Variants in PPP1R12A observed in about 807,000 individuals in gnomAD.
PPP1R12A encodes the protein protein phosphatase 1 regulatory subunit 12A.
In PPP1R12A, 19 loss-of-function variants were observed where a neutral mutation model predicts 139.6. That is an observed-to-expected ratio of 0.14 (90% CI 0.09 to 0.20). PPP1R12A has a LOEUF of 0.20. Among genes scored for constraint, PPP1R12A ranks in the 10% least tolerant of loss-of-function variants. PPP1R12A has a pLI of 1.00. For synonymous variants in PPP1R12A, 427 were observed against 420.6 expected (o/e 1.02, Z -0.19); for missense variants, 925 against 1,211.5 (o/e 0.76, Z 3.51).
intron 2 of PPP1R12A, 27 bp downstream of exon 2, chr12:79,872,781 T>A (rs773925296): frequency 6.2e-7 from 1 of 1,609,868 alleles, no homozygotes; most frequent in African/African-American, 1.3e-5. Context: ...AGTATTAGAA[T>A]AAAATGAAAA....
chr12:79,807,499 C>G (rs1873977114), intron 11 of PPP1R12A, among the ~76,000 whole-genome samples, 169 bp from the exon 12 acceptor site: 1 of 146,814 alleles, frequency 6.8e-6, no homozygotes, highest in Non-Finnish European at 1.5e-5. Context: ...GATTATATAC[C>G]CTAAGGTATA....
chr12:79,865,681 A>G (rs1881881805), intron 2 of PPP1R12A, among the ~76,000 whole-genome samples: 2 of 152,196 alleles, frequency 1.3e-5, no homozygotes, highest in Non-Finnish European at 2.9e-5. Context: ...AAAACAGACA[A>G]ACAGAGAGCC....
chr12:79,821,884 T>G (rs987163743), intron 6 of PPP1R12A, among the ~76,000 whole-genome samples: 3 of 152,162 alleles, frequency 2.0e-5, no homozygotes. Flanking sequence ...ACGTTATTCT[T>G]GAGGACATAT....
chr12:79,856,652 T>C (rs536029052), intron 2 of PPP1R12A, among the ~76,000 whole-genome samples: 4 of 152,372 alleles, frequency 2.6e-5, no homozygotes, highest in African/African-American at 7.2e-5. Flanking sequence ...AGTTCTTTTT[T>C]TCTTTCAGTC....
In PPP1R12A at chr12:79,803,072, G is replaced by T. The variant is rs1299052250; in HGVS notation, c.2000+2520C>A. Among the ~76,000 whole-genome samples, 4 of 152,290 alleles carry T rather than the reference G, an allele frequency of 2.6e-5. No homozygotes were observed. In the East Asian group the frequency reaches 7.7e-4, roughly 29 times the overall value. Reference sequence around the variant, plus strand: ...ATCATACCTGGTTTCACATATGAAGGTTAGGGGGATAAAAGTTACTAACTG... The same window carrying T: ...ATCATACCTGGTTTCACATATGAAGTTTAGGGGGATAAAAGTTACTAACTG... On this transcript the variant is annotated intron_variant, in intron 14 of 24. Coordinates refer to ENST00000450142, the MANE Select transcript of PPP1R12A (RefSeq NM_002480.3).
upstream of PPP1R12A, chr12:79,935,395 TG>T (rs1888592636): frequency 4.0e-6 from 4 of 992,918 alleles, no homozygotes; most frequent in South Asian, 4.5e-5. Flanking sequence ...CCTGTCGGGC[TG>T]GGGGCTCCCG....
intron 1 of PPP1R12A, among the ~76,000 whole-genome samples, chr12:79,927,941 A>G (rs1012702097): frequency 6.6e-6 from 1 of 152,202 alleles, no homozygotes; most frequent in Non-Finnish European, 1.5e-5. Context: ...GGAGTAAAAG[A>G]TGGCAATTTT....
At chr12:79,922,851 A>C (rs998556258) in intron 1 of PPP1R12A, among the ~76,000 whole-genome samples, 4 of 152,182 alleles carry the variant, frequency 2.6e-5, no homozygotes. Context: ...TAAAAGTAAA[A>C]AATTTTTTAA....
At chr12:79,777,209 C>T (rs1490092933) in intron 24 of PPP1R12A, 1 of 922,108 alleles carries the variant, frequency 1.1e-6, no homozygotes, top group African/African-American at 1.8e-5. Context: ...TAGTAAAGAA[C>T]TGTAAATAAT....
At chr12:79,863,539 C>T (rs1881593249) in intron 2 of PPP1R12A, among the ~76,000 whole-genome samples, 1 of 148,286 alleles carries the variant, frequency 6.7e-6, no homozygotes, top group African/African-American at 2.5e-5. Context: ...GATAAAGACT[C>T]AAGACCAATC....
chr12:79,779,290 T>C, intron 23 of PPP1R12A: 2 of 1,287,148 alleles, frequency 1.6e-6, no homozygotes, highest in Non-Finnish European at 1.0e-6. Flanking sequence ...GCAGCAGTAA[T>C]TGATGAGCTG....
chr12:79,778,470 T>C, intron 24 of PPP1R12A, 80 bp downstream of exon 24: 1 of 980,948 alleles, frequency 1.0e-6, no homozygotes, highest in South Asian at 2.1e-5. Flanking sequence ...GAACAATTAA[T>C]GTAAACCATA....
At chr12:79,811,491 C>T (rs1054682215) in intron 9 of PPP1R12A, among the ~76,000 whole-genome samples, 16 of 152,308 alleles carry the variant, frequency 1.1e-4, no homozygotes, top group African/African-American at 3.6e-4. Flanking sequence ...ATGAGACAAA[C>T]AGGCAATTCC....
intron 1 of PPP1R12A, among the ~76,000 whole-genome samples, chr12:79,907,970 T>C (rs879354337): frequency 4.6e-5 from 7 of 152,172 alleles, no homozygotes; most frequent in Non-Finnish European, 8.8e-5. Context: ...TGGTATATAA[T>C]AGTGGTTCAC....
At chr12:79,801,777 C>A (rs943619796) in intron 14 of PPP1R12A, among the ~76,000 whole-genome samples, 3 of 152,134 alleles carry the variant, frequency 2.0e-5, no homozygotes, top group African/African-American at 7.2e-5. Context: ...GCCTCAATTT[C>A]ATCAATTAAC....
At chr12:79,786,533 A>C in intron 21 of PPP1R12A, 55 bp from the exon 22 acceptor site, 3 of 1,134,064 alleles carry the variant, frequency 2.6e-6, no homozygotes, top group Non-Finnish European at 3.7e-6. Context: ...TATTACTTTA[A>C]AATTTCTCAT....
chr12:79,861,470 G>A (rs139263082), intron 2 of PPP1R12A, among the ~76,000 whole-genome samples: 1 of 152,214 alleles, frequency 6.6e-6, no homozygotes, highest in Non-Finnish European at 1.5e-5. Context: ...TGGACAGTGG[G>A]TGCAGCCCGC....
chr12:79,883,036 T>G (rs1210248629), intron 1 of PPP1R12A, among the ~76,000 whole-genome samples: 1 of 151,622 alleles, frequency 6.6e-6, no homozygotes, highest in Non-Finnish European at 1.5e-5. Context: ...ACTCGGGAGG[T>G]GGAGGCAGGA....
chr12:79,917,346 G>A (rs932091491), intron 1 of PPP1R12A, among the ~76,000 whole-genome samples: 61 of 152,012 alleles, frequency 4.0e-4, no homozygotes, highest in African/African-American at 1.4e-3. Context: ...ATAGCTGGGC[G>A]TGGTGGCACG....
Sources: allele counts gnomAD v4.1 joint callset (sites outside exome capture counted in the v4.1 genomes callset), GRCh38; gene constraint gnomAD v4.1.1; transcripts MANE v1.5; gene names NCBI Gene and HGNC (gene_info 2026-07-23, HGNC 2026-07-21).